The following RBM47 variants were observed in gnomAD, a reference collection of about 807,000 sequenced individuals.
RBM47 encodes the protein RNA binding motif protein 47.
Under a neutral mutation model 47.1 loss-of-function variants are expected in RBM47, and 21 were observed. The observed-to-expected ratio is 0.45, with a 90% CI of 0.32 to 0.64. The LOEUF is 0.64. Ranked by LOEUF, RBM47 falls within the 30% of genes least tolerant of loss-of-function variation. The probability of loss-of-function intolerance (pLI) is 0.05; values close to 1 mark genes in which losing one functional copy is unlikely to be tolerated. For missense variants in RBM47, 708 were observed against 870.9 expected, an observed-to-expected ratio of 0.81 and a Z score of 2.35; for synonymous variants, 375 against 361.7, an observed-to-expected ratio of 1.04 and a Z score of -0.42.
chr4:40,469,913 G>C (rs867490702), intron 2 of RBM47, among the ~76,000 whole-genome samples: 1 of 152,164 alleles, frequency 6.6e-6, no homozygotes, highest in Non-Finnish European at 1.5e-5. Flanking sequence ...GGGGTTACAG[G>C]CGTGAGCCAC....
At chr4:40,556,473 C>A (rs1439832811) in intron 1 of RBM47, among the ~76,000 whole-genome samples, 4 of 152,028 alleles carry the variant, frequency 2.6e-5, no homozygotes, top group Admixed American at 6.6e-5. Flanking sequence ...CACCACTGCA[C>A]TCCAGATTGG....
chr4:40,483,602 A>T (rs921863059), intron 2 of RBM47, among the ~76,000 whole-genome samples: 8 of 152,226 alleles, frequency 5.3e-5, no homozygotes, highest in Non-Finnish European at 8.8e-5. Context: ...AAGCTGAGAC[A>T]GGAGAATTGC....
chr4:40,489,041 G>C (rs1721504357), intron 2 of RBM47, among the ~76,000 whole-genome samples: 2 of 152,158 alleles, frequency 1.3e-5, no homozygotes, highest in Admixed American at 6.5e-5. Flanking sequence ...GAATCACAAT[G>C]CTATATGGAC....
intron 1 of RBM47, 47 bp downstream of exon 1, chr4:40,629,349 T>G (rs1738021899): frequency 6.6e-6 from 1 of 152,164 alleles, no homozygotes; most frequent in Non-Finnish European, 1.5e-5. Flanking sequence ...GACCCAAATG[T>G]AAGATTAAGG....
At chr4:40,518,948 A>C (rs1725898420) in intron 2 of RBM47, among the ~76,000 whole-genome samples, 2 of 151,884 alleles carry the variant, frequency 1.3e-5, no homozygotes, top group South Asian at 4.2e-4. Flanking sequence ...TAGTCCCAGC[A>C]CTCTGGGAGT....
intron 1 of RBM47, among the ~76,000 whole-genome samples, chr4:40,559,796 C>T (rs1336559847): frequency 6.6e-6 from 1 of 152,170 alleles, no homozygotes; most frequent in Non-Finnish European, 1.5e-5. Flanking sequence ...GATTTCTCAA[C>T]TTCTGATTCC....
At chr4:40,572,137 C>A (rs1039624942) in intron 1 of RBM47, among the ~76,000 whole-genome samples, 1 of 149,704 alleles carries the variant, frequency 6.7e-6, no homozygotes, top group Non-Finnish European at 1.5e-5. Context: ...AATCCCAGCA[C>A]TTTGGGAGGC....
At chr4:40,495,542 C>T (rs1722450307) in intron 2 of RBM47, among the ~76,000 whole-genome samples, 2 of 151,852 alleles carry the variant, frequency 1.3e-5, no homozygotes, top group Non-Finnish European at 2.9e-5. Context: ...GCAGAGGTTG[C>T]AGCGAGCCAA....
chr4:40,590,626 G>A (rs1375648672), intron 1 of RBM47, among the ~76,000 whole-genome samples: 1 of 152,150 alleles, frequency 6.6e-6, no homozygotes, highest in Non-Finnish European at 1.5e-5. Flanking sequence ...AGCCCAAAGG[G>A]CGGAACAACC....
chr4:40,492,837 CA>C (rs1233060116), intron 2 of RBM47, among the ~76,000 whole-genome samples: 2 of 151,998 alleles, frequency 1.3e-5, no homozygotes, highest in Non-Finnish European at 2.9e-5. Context: ...GGATGGGAAT[CA>C]GGGGGCTGGA....
At chr4:40,475,170 T>C (rs1309728861) in intron 2 of RBM47, among the ~76,000 whole-genome samples, 2 of 152,208 alleles carry the variant, frequency 1.3e-5, no homozygotes, top group Non-Finnish European at 2.9e-5. Context: ...AAAAGTCTTC[T>C]TATACAAGAA....
intron 1 of RBM47, among the ~76,000 whole-genome samples, chr4:40,561,036 G>A (rs753294584): frequency 6.6e-5 from 10 of 151,268 alleles, no homozygotes; most frequent in South Asian, 2.1e-4. Flanking sequence ...CACTGCCTAC[G>A]TGTCAGGAAC....
chr4:40,583,145 G>A (rs563504008), intron 1 of RBM47, among the ~76,000 whole-genome samples: 31 of 152,224 alleles, frequency 2.0e-4, no homozygotes, highest in African/African-American at 6.3e-4. Context: ...AGGTCAGGCC[G>A]GCCAAGCACA....
intron 3 of RBM47, among the ~76,000 whole-genome samples, chr4:40,449,178 C>T (rs1560373779): frequency 6.6e-6 from 1 of 152,188 alleles, no homozygotes; most frequent in Non-Finnish European, 1.5e-5. Flanking sequence ...GGAGGTCAAA[C>T]AATAAGCCGA....
intron 1 of RBM47, among the ~76,000 whole-genome samples, chr4:40,572,166 T>C (rs1277934769): frequency 6.7e-6 from 1 of 150,098 alleles, no homozygotes; most frequent in Non-Finnish European, 1.5e-5. Flanking sequence ...GTGGATAACC[T>C]GAGGTCAGGG....
chr4:40,625,541 C>T (rs1737662876), intron 1 of RBM47, among the ~76,000 whole-genome samples: 1 of 152,164 alleles, frequency 6.6e-6, no homozygotes, highest in Admixed American at 6.5e-5. Context: ...AACTCTTGCT[C>T]ACCCACATGT....
chr4:40,601,325 A>T lies in RBM47; in HGVS notation c.-240+28071T>A, dbSNP rs115924747. ...CTGGCCCAAGGGAAGTTCTTGGTGC[A>T]CATGCTTGTCAGATCATGACTATCG... On this transcript the variant is annotated intron_variant, in intron 1 of 6. Transcript: ENST00000295971. Among the ~76,000 whole-genome samples the T allele has an allele frequency of 3.3e-3, 510 of 152,294 alleles. 5 individuals are homozygous for T. The highest frequency in any genetic ancestry group is 3.4e-3 in the Non-Finnish European group (233 of 68,020).
At chr4:40,602,705 T>C (rs990154652) in intron 1 of RBM47, among the ~76,000 whole-genome samples, 4 of 151,990 alleles carry the variant, frequency 2.6e-5, no homozygotes, top group Non-Finnish European at 1.5e-5. Context: ...AAATGGGCAA[T>C]TGAGAGAAGC....
intron 3 of RBM47, among the ~76,000 whole-genome samples, chr4:40,453,169 G>A (rs933594323): frequency 1.3e-5 from 2 of 151,980 alleles, no homozygotes; most frequent in African/African-American, 2.4e-5. Context: ...AATTAATAGC[G>A]ATAAATACTT....
Sources: gnomAD v4.1 joint callset for allele counts (sites outside exome capture counted in the v4.1 genomes callset) on GRCh38, gnomAD v4.1.1 for gene constraint, MANE v1.5 for transcripts, NCBI Gene and HGNC (gene_info 2026-07-23, HGNC 2026-07-21) for gene names.